The following TFG variants were observed in gnomAD, a reference collection of about 807,000 sequenced individuals.
TFG encodes the protein trafficking from ER to golgi regulator, also known as protein TFG.
TFG carries 22 observed loss-of-function variants against 51.4 expected under a neutral mutation model. The ratio of observed to expected loss-of-function variants is 0.43; its 90% CI spans 0.31 to 0.61. TFG has a LOEUF of 0.61. Among genes scored for constraint, TFG ranks in the 20% least tolerant of loss-of-function variants. The pLI, the probability that TFG is intolerant of heterozygous loss-of-function variation, is 0.12. For missense variants in TFG, 419 were observed against 487.7 expected (o/e 0.86, Z 1.33); for synonymous variants, 187 against 165.6 (o/e 1.13, Z -0.99).
chr3:100,739,414 A>G (rs1161309415), intron 6 of TFG, among the ~76,000 whole-genome samples: 9 of 152,158 alleles, frequency 5.9e-5, no homozygotes, highest in Non-Finnish European at 1.0e-4. Flanking sequence ...AAAAGGGATA[A>G]TGTTACTCTT....
At position 100,744,807 on chromosome 3, in the gene TFG, TTGTGTGTG is replaced by T. The variant is rs371704682; in HGVS notation, c.722-14_722-7del. On this transcript the variant is annotated intron_variant, in intron 6 of 7. Coordinates refer to ENST00000240851, the MANE Select transcript of TFG (RefSeq NM_006070.6). Reference sequence around the variant, plus strand: ...GCCACATTAAACATGCCTTTTTTCCTTGTGTGTGTGTGTGTGTGTTTTCAGGTCAGATG... The same window carrying T: ...GCCACATTAAACATGCCTTTTTTCCTTGTGTGTGTGTTTTCAGGTCAGATG... The T allele has an allele frequency of 1.5e-5, 22 of 1,419,662 alleles. No individual in the cohort carries two copies. The highest frequency in any genetic ancestry group is 2.0e-5 in the Non-Finnish European group (20 of 1,020,090). 87.9% of individuals were successfully genotyped at this position (1,419,662 alleles called of 1,614,324 possible).
intron 3 of TFG, among the ~76,000 whole-genome samples, chr3:100,720,907 G>A (rs2095059039): frequency 6.6e-6 from 1 of 151,976 alleles, no homozygotes; most frequent in East Asian, 1.9e-4. Flanking sequence ...ACTTTTTCCG[G>A]CTGTTTTGTT....
intron 1 of TFG, among the ~76,000 whole-genome samples, chr3:100,712,544 T>G (rs1271950559): frequency 6.6e-6 from 1 of 152,212 alleles, no homozygotes; most frequent in Non-Finnish European, 1.5e-5. Context: ...TCAGCGATTA[T>G]AGATAACATT....
chr3:100,732,802 C>A, intron 5 of TFG, 130 bp downstream of exon 5: 1 of 699,646 alleles, frequency 1.4e-6, no homozygotes, highest in Non-Finnish European at 2.3e-6. Flanking sequence ...TTCTGCTTAA[C>A]AAATTTTTAC....
chr3:100,723,933 G>T (rs1036355507), intron 3 of TFG, among the ~76,000 whole-genome samples: 21 of 151,712 alleles, frequency 1.4e-4, no homozygotes, highest in Non-Finnish European at 2.2e-4. Context: ...ATATCTTAAA[G>T]GTCATATTCT....
At chr3:100,728,087 G>C (rs2095080860) in intron 3 of TFG, among the ~76,000 whole-genome samples, 1 of 152,086 alleles carries the variant, frequency 6.6e-6, no homozygotes, top group Admixed American at 6.5e-5. Context: ...TCCCTCCTTG[G>C]CTTCCCAAAG....
chr3:100,736,720 A>G lies in TFG; in HGVS notation c.721+4A>G. ...ACTCAAGCAGGTCAGATTGAAGGTA[A>G]AATAGAGTTTAGAACACATGTTTGG... On this transcript the variant is annotated splice_donor_region_variant and intron_variant, in intron 6 of 7. Coordinates refer to ENST00000240851, the MANE Select transcript of TFG (RefSeq NM_006070.6). 6.2e-7 allele frequency: 1 copy of G among 1,613,590 alleles called. No individual in the cohort carries two copies. Among genetic ancestry groups the G allele is most frequent in the Non-Finnish European group, 8.5e-7 (1 of 1,179,772 alleles).
At chr3:100,737,242 C>T (rs1026589840) in intron 6 of TFG, among the ~76,000 whole-genome samples, 50 of 152,094 alleles carry the variant, frequency 3.3e-4, no homozygotes, top group African/African-American at 1.2e-3. Context: ...ACTTTTTCTT[C>T]TGAAATAATC....
rs775354552 is a variant in TFG at position 100,732,550 on chromosome 3, C to T, written c.458C>T (p.Ser153Phe). Residue 153 changes from serine (S) to phenylalanine (F), a missense_variant, in exon 5 of 8, where the codon TCT becomes TTT. This residue lies in a region of TFG where 391 missense variants were observed against 434.4 expected (regional missense o/e 0.90). Coordinates refer to ENST00000240851, the MANE Select transcript of TFG (RefSeq NM_006070.6). ...GREEKSASDS[S>F]GKQSTQVMAA... ...GAAGAAAAGTCTGCTTCTGATTCTT[C>T]TGGAAAACAGTCTACTCAGGTTATG... 9 of 1,612,494 alleles carry T rather than the reference C, an allele frequency of 5.6e-6. No individual in the cohort carries two copies. Among genetic ancestry groups the T allele is most frequent in the Non-Finnish European group, 7.6e-6 (9 of 1,179,406 alleles).
rs1025545129 is a variant in TFG at position 100,732,766 on chromosome 3, A to G, written c.580+94A>G. The G allele has an allele frequency of 2.0e-5, 22 of 1,110,530 alleles. No individual in the cohort carries two copies. In the African/African-American group the frequency reaches 2.2e-4, roughly 11 times the overall value. 68.8% of individuals were successfully genotyped at this position (1,110,530 alleles called of 1,614,324 possible). On this transcript the variant is annotated intron_variant, in intron 5 of 7. Coordinates refer to ENST00000240851, the MANE Select transcript of TFG (RefSeq NM_006070.6). ...TCTTTAATTGAAGAATAACTTGGATATGGTGAAGTGCACAAATCTTAAGGG... is the reference window on the plus strand; with the variant it reads ...TCTTTAATTGAAGAATAACTTGGATGTGGTGAAGTGCACAAATCTTAAGGG...
chr3:100,745,265 C>G (rs143918475), intron 7 of TFG, among the ~76,000 whole-genome samples: 5 of 152,164 alleles, frequency 3.3e-5, no homozygotes. Context: ...CTCCACCTCT[C>G]CATTTATATG....
Position 100,713,888 on chromosome 3 carries a change from C to G in TFG, c.184+19C>G. On this transcript the variant is annotated intron_variant, in intron 2 of 7. Coordinates refer to ENST00000240851, the MANE Select transcript of TFG (RefSeq NM_006070.6). ...GATGAAGGTAAGAGTGTTTTTAAAG[C>G]TATTTTTTAAAGTCTTTTTAAAAAA... is the stretch of plus-strand genomic sequence containing the variant. 1 of 1,329,810 alleles carries G rather than the reference C, an allele frequency of 7.5e-7. No homozygotes were observed. The highest frequency in any genetic ancestry group is 1.8e-5 in the South Asian group (1 of 54,488). The allele number at this position is 1,329,810 out of a possible 1,614,324, so 82.4% of individuals were successfully genotyped here. A position where few individuals can be genotyped will look rare whatever the true frequency, so the allele number is the denominator to read the frequency against.
intron 3 of TFG, among the ~76,000 whole-genome samples, chr3:100,724,727 T>A (rs1270463290): frequency 6.6e-6 from 1 of 152,196 alleles, no homozygotes; most frequent in Admixed American, 6.5e-5. Flanking sequence ...TCAGTGAATA[T>A]TTAAACACAC....
intron 6 of TFG, among the ~76,000 whole-genome samples, chr3:100,741,224 C>T (rs911277456): frequency 5.3e-5 from 8 of 151,928 alleles, no homozygotes; most frequent in Non-Finnish European, 1.0e-4. Flanking sequence ...GAAGGTATTC[C>T]GGAAGAAGGC....
At chr3:100,736,506 C>T in intron 5 of TFG, 70 bp from the exon 6 acceptor site, 15 of 1,557,316 alleles carry the variant, frequency 9.6e-6, no homozygotes, top group East Asian at 2.3e-5. Context: ...TTTAACCAAA[C>T]TTATTCCTTG....
chr3:100,738,396 G>A (rs1406821222), intron 6 of TFG, among the ~76,000 whole-genome samples: 3 of 152,178 alleles, frequency 2.0e-5, no homozygotes, highest in Non-Finnish European at 1.5e-5. Flanking sequence ...AGTGTATACT[G>A]TGATACAATG....
At chr3:100,733,230 A>G (rs544974355) in intron 5 of TFG, among the ~76,000 whole-genome samples, 1 of 152,206 alleles carries the variant, frequency 6.6e-6, no homozygotes, top group Non-Finnish European at 1.5e-5. Context: ...TCGGATTCTA[A>G]TAACACATAC....
At chr3:100,743,084 T>G in intron 6 of TFG, 1 of 152,188 alleles carries the variant, frequency 6.6e-6, no homozygotes, top group East Asian at 1.9e-4. Context: ...ATATGCAAAA[T>G]GACTTTATAA....
chr3:100,724,887 T>G (rs1268060572), intron 3 of TFG, among the ~76,000 whole-genome samples: 1 of 152,218 alleles, frequency 6.6e-6, no homozygotes, highest in African/African-American at 2.4e-5. Flanking sequence ...TGAAAAGTCG[T>G]AGCAAACTAT....
Sources: gnomAD v4.1 joint callset for allele counts (sites outside exome capture counted in the v4.1 genomes callset) on GRCh38, gnomAD v4.1.1 for gene constraint, gnomAD v4.1.1 regional missense constraint, MANE v1.5 for transcripts, NCBI Gene and HGNC (gene_info 2026-07-23, HGNC 2026-07-21) for gene names.